PLEKHG4B: variants seen among roughly 807,000 people sequenced by gnomAD.
PLEKHG4B encodes the protein pleckstrin homology and RhoGEF domain containing G4B, also known as pleckstrin homology domain-containing family G member 4B.
Under a neutral mutation model 121.3 loss-of-function variants are expected in PLEKHG4B, and 111 were observed. The observed-to-expected ratio is 0.92, with a 90% CI of 0.78 to 1.07. PLEKHG4B has a LOEUF of 1.07. Among genes scored for constraint, PLEKHG4B ranks in the 50% least tolerant of loss-of-function variants. PLEKHG4B has a pLI of 0.00. For synonymous variants in PLEKHG4B, 738 were observed against 725.0 expected, an observed-to-expected ratio of 1.02 and a Z score of -0.29; for missense variants, 1,831 against 1,757.8, an observed-to-expected ratio of 1.04 and a Z score of -0.74.
intron 16 of PLEKHG4B, among the ~76,000 whole-genome samples, chr5:171,861 C>T (rs1736565323): frequency 6.6e-6 from 1 of 152,194 alleles, no homozygotes; most frequent in African/African-American, 2.4e-5. Context: ...TTGGCTCGTT[C>T]ATACGGGCCC....
chr5:141,711 A>ATT (rs34273619), intron 3 of PLEKHG4B, among the ~76,000 whole-genome samples: 4,695 of 127,482 alleles, frequency 0.037, 124 homozygotes, highest in African/African-American at 0.053. Context: ...TAAATATTTC[A>ATT]TTTTTTTTTT....
At chr5:119,174 T>C (rs1486622379) in intron 2 of PLEKHG4B, among the ~76,000 whole-genome samples, 2 of 152,136 alleles carry the variant, frequency 1.3e-5, no homozygotes, top group African/African-American at 4.8e-5. Flanking sequence ...TAAGTGTACA[T>C]GTAGCTTACT....
Position 188,717 on chromosome 5 carries a change from C to CA in PLEKHG4B, c.*6394_*6395insA, listed in dbSNP as rs1416282601. 1.3e-5 allele frequency: 2 copies of CA among 152,392 alleles called. No individual in the cohort carries two copies. The highest frequency in any genetic ancestry group is 3.9e-4 in the East Asian group (2 of 5,180). The allele number at this position is 152,392 out of a possible 1,614,324, so 9.4% of individuals were successfully genotyped here. A position where few individuals can be genotyped will look rare whatever the true frequency, so the allele number is the denominator to read the frequency against. ...AGCTGCCGCCGAGTCCACGCCCCGT[C>CA]TGGCTGGGACCTGGAGCTCCCCTCA... On this transcript the variant is annotated 3_prime_UTR_variant, in exon 20 of 20. Transcript: ENST00000637938.
Position 140,287 on chromosome 5 carries a change from C to CTTA in PLEKHG4B, c.1048_1049insTTA (p.Arg350delinsLeuSer). ...GGACCCCACTTGTGTGCAGCCTAGA[C>CTTA]GCTGGTTCAGGGAGTCGTACATGGA... On this transcript the variant is annotated protein_altering_variant, in exon 3 of 20. Coordinates refer to ENST00000637938, the MANE Select transcript of PLEKHG4B (RefSeq NM_052909.5). 1 of 1,476,226 alleles carries CTTA rather than the reference C, an allele frequency of 6.8e-7. No individual in the cohort carries two copies. The highest frequency in any genetic ancestry group is 9.0e-7 in the Non-Finnish European group (1 of 1,114,206). The allele number at this position is 1,476,226 out of a possible 1,614,324, so 91.4% of individuals were successfully genotyped here.
intron 2 of PLEKHG4B, among the ~76,000 whole-genome samples, chr5:114,036 A>C (rs1052121261): frequency 6.6e-6 from 1 of 152,254 alleles, no homozygotes; most frequent in Admixed American, 6.5e-5. Flanking sequence ...CTAAGTGTGC[A>C]GTAGCATTAG....
rs768281720 is a variant in PLEKHG4B, at chr5:187,367, T to A, written c.*5044T>A. 6.6e-6 allele frequency: 1 copy of A among 152,392 alleles called. No individual in the cohort carries two copies. The highest frequency in any genetic ancestry group is 1.9e-4 in the East Asian group (1 of 5,174). 9.4% of individuals were successfully genotyped at this position (152,392 alleles called of 1,614,324 possible). Reference sequence around the variant, plus strand: ...TAGCTGGGCCTGCGTCCATCCCCGGTTCTGGGGAGATGCCCGGGCCCCTCC... The same window carrying A: ...TAGCTGGGCCTGCGTCCATCCCCGGATCTGGGGAGATGCCCGGGCCCCTCC... On this transcript the variant is annotated 3_prime_UTR_variant, in exon 20 of 20. Transcript: ENST00000637938.
At chr5:119,882 T>C (rs1029408441) in intron 2 of PLEKHG4B, among the ~76,000 whole-genome samples, 1 of 152,172 alleles carries the variant, frequency 6.6e-6, no homozygotes, top group Non-Finnish European at 1.5e-5. Context: ...AATTCTCTTA[T>C]AGGGAATTTT....
Position 182,170 on chromosome 5 carries a change from G to A in PLEKHG4B, c.4731G>A (p.Pro1577=), listed in dbSNP as rs199958517. Reference sequence around the variant, plus strand: ...TTGTGTCCTCCAGCCCAGCCCACCCGGGCCTATGGAGCCCTGCCCACAGCC... The same window carrying A: ...TTGTGTCCTCCAGCCCAGCCCACCCAGGCCTATGGAGCCCTGCCCACAGCC... ...GLLVSSSPAH[P]GLWSPAHSPW... The change falls in exon 20 of 20, where the codon CCG becomes CCA. Residue 1577 remains proline, a synonymous_variant. Coordinates refer to ENST00000637938, the MANE Select transcript of PLEKHG4B (RefSeq NM_052909.5). 17 of 1,613,842 alleles carry A rather than the reference G, an allele frequency of 1.1e-5. No individual in the cohort carries two copies. Among genetic ancestry groups the A allele is most frequent in the African/African-American group, 2.7e-5 (2 of 74,920 alleles).
Position 172,884 on chromosome 5 carries a change from T to G in PLEKHG4B, c.4051-13T>G, listed in dbSNP as rs772000202. On this transcript the variant is annotated splice_polypyrimidine_tract_variant and intron_variant, in intron 16 of 19. Transcript: ENST00000637938. ...TTTTCTTGGATGAAATCCACCTGTGTGTTCCTCTGCAGGTGAATTTGAAGG... is the reference window on the plus strand; with the variant it reads ...TTTTCTTGGATGAAATCCACCTGTGGGTTCCTCTGCAGGTGAATTTGAAGG... The G allele has an allele frequency of 6.2e-6, 10 of 1,613,910 alleles. No individual in the cohort carries two copies. The African/African-American group carries it at 1.2e-4, about 19-fold the overall frequency.
intron 1 of PLEKHG4B, among the ~76,000 whole-genome samples, chr5:93,881 A>G (rs1221318739): frequency 1.3e-5 from 2 of 152,136 alleles, no homozygotes; most frequent in African/African-American, 4.8e-5. Flanking sequence ...CATCCAGCCA[A>G]ACACAGGAGG....
intron 18 of PLEKHG4B, among the ~76,000 whole-genome samples, chr5:180,142 G>T (rs1426091623): frequency 6.6e-6 from 1 of 152,142 alleles, no homozygotes; most frequent in African/African-American, 2.4e-5. Flanking sequence ...TAGATATGAT[G>T]TAGGAAATGT....
chr5:154,502 CT>C (rs1735704516), intron 7 of PLEKHG4B, among the ~76,000 whole-genome samples: 1 of 151,862 alleles, frequency 6.6e-6, no homozygotes, highest in Admixed American at 6.6e-5. Flanking sequence ...GCTGCCAGGG[CT>C]TTCAGGAAAC....
Position 140,627 on chromosome 5 carries a change from G to T in PLEKHG4B, c.1388G>T (p.Gly463Val), listed in dbSNP as rs1238128783. Residue 463 changes from glycine to valine, a missense_variant, in exon 3 of 20, where the codon GGC (glycine) becomes GTC (valine). Coordinates refer to ENST00000637938, the MANE Select transcript of PLEKHG4B (RefSeq NM_052909.5). ...AACHTSHHSA[G>V]SRPGGHLGGQ... ...TGCCACACCTCCCACCACTCAGCAG[G>T]CTCCAGGCCTGGGGGCCACCTAGGA... The T allele has an allele frequency of 6.2e-6, 10 of 1,610,566 alleles. No individual in the cohort carries two copies. The highest frequency in any genetic ancestry group is 1.7e-5 in the Admixed American group (1 of 59,810).
At chr5:105,646 A>T (rs931532714) in intron 1 of PLEKHG4B, among the ~76,000 whole-genome samples, 2 of 152,220 alleles carry the variant, frequency 1.3e-5, no homozygotes, top group African/African-American at 4.8e-5. Flanking sequence ...AAGTTGGTTT[A>T]TTCTGGTTTC....
At chr5:98,025 TTATATC>T (rs1156442625) in intron 1 of PLEKHG4B, among the ~76,000 whole-genome samples, 3 of 152,176 alleles carry the variant, frequency 2.0e-5, no homozygotes, top group South Asian at 2.1e-4. Flanking sequence ...TTAATTTTCA[TTATATC>T]TATATATCTT....
intron 1 of PLEKHG4B, among the ~76,000 whole-genome samples, chr5:109,885 C>T (rs1481152700): frequency 6.6e-6 from 1 of 152,178 alleles, no homozygotes; most frequent in East Asian, 1.9e-4. Flanking sequence ...CGTGCACACA[C>T]TGGTTGCTCT....
intron 2 of PLEKHG4B, among the ~76,000 whole-genome samples, chr5:126,149 TG>T (rs548264258): frequency 7.9e-4 from 120 of 152,326 alleles, no homozygotes; most frequent in African/African-American, 2.8e-3. Flanking sequence ...TCCTCAAATT[TG>T]GGAAGTTTTC....
intron 2 of PLEKHG4B, among the ~76,000 whole-genome samples, chr5:116,635 T>C (rs532894421): frequency 6.6e-6 from 1 of 152,332 alleles, no homozygotes; most frequent in East Asian, 1.9e-4. Flanking sequence ...GTTGTGGGTG[T>C]GTTGCAGCGA....
intron 1 of PLEKHG4B, among the ~76,000 whole-genome samples, chr5:102,621 C>G (rs1733855797): frequency 6.6e-6 from 1 of 152,204 alleles, no homozygotes; most frequent in African/African-American, 2.4e-5. Context: ...TGAGTCAAAG[C>G]TCCCTGAAGC....
Sources: gnomAD v4.1 joint callset for allele counts (sites outside exome capture counted in the v4.1 genomes callset) on GRCh38, gnomAD v4.1.1 for gene constraint, MANE v1.5 for transcripts, NCBI Gene and HGNC (gene_info 2026-07-23, HGNC 2026-07-21) for gene names.